HS6ST3: variants seen among roughly 807,000 people sequenced by gnomAD.
HS6ST3 encodes heparan sulfate 6-O-sulfotransferase 3, also known as heparan-sulfate 6-O-sulfotransferase 3.
Under a neutral mutation model 36.7 loss-of-function variants are expected in HS6ST3, and 12 were observed. That is an observed-to-expected ratio of 0.33 (90% CI 0.21 to 0.53). HS6ST3 has a LOEUF of 0.53. Among genes scored for constraint, HS6ST3 ranks in the 20% least tolerant of loss-of-function variants. HS6ST3 has a pLI of 0.95. For missense variants in HS6ST3, 584 were observed against 640.9 expected (o/e 0.91, Z 0.96); for synonymous variants, 240 against 257.5 (o/e 0.93, Z 0.65).
At chr13:96,490,991 T>C (rs2055942428) in intron 1 of HS6ST3, among the ~76,000 whole-genome samples, 1 of 152,194 alleles carries the variant, frequency 6.6e-6, no homozygotes, top group African/African-American at 2.4e-5. Context: ...TGTGTGTGAC[T>C]TGAGACTGCT....
At chr13:96,655,980 T>C (rs2056623312) in intron 1 of HS6ST3, among the ~76,000 whole-genome samples, 1 of 152,126 alleles carries the variant, frequency 6.6e-6, no homozygotes, top group East Asian at 1.9e-4. Context: ...ATTACCACAA[T>C]TATAATTCAG....
intron 1 of HS6ST3, among the ~76,000 whole-genome samples, chr13:96,634,882 T>G (rs1320048335): frequency 7.8e-6 from 1 of 128,996 alleles, no homozygotes; most frequent in Non-Finnish European, 1.7e-5. Flanking sequence ...CCTACAAGTT[T>G]GAGTCATTAG....
intron 1 of HS6ST3, among the ~76,000 whole-genome samples, chr13:96,399,804 A>C (rs1461823516): frequency 6.6e-6 from 1 of 152,230 alleles, no homozygotes; most frequent in Non-Finnish European, 1.5e-5. Context: ...AAGTTTAATA[A>C]GTTTATTTGT....
chr13:96,185,692 A>C (rs1028552442), intron 1 of HS6ST3, among the ~76,000 whole-genome samples: 2 of 152,258 alleles, frequency 1.3e-5, no homozygotes, highest in African/African-American at 4.8e-5. Flanking sequence ...ACAAACATAT[A>C]CATTCCACAT....
chr13:96,386,115 A>G (rs944220653), intron 1 of HS6ST3, among the ~76,000 whole-genome samples: 1 of 152,260 alleles, frequency 6.6e-6, no homozygotes, highest in Non-Finnish European at 1.5e-5. Flanking sequence ...AAAAAGATCC[A>G]TAAGAGAAAA....
At chr13:96,173,669 TAAAAA>T (rs5805954) in intron 1 of HS6ST3, among the ~76,000 whole-genome samples, 1 of 94,866 alleles carries the variant, frequency 1.1e-5, no homozygotes, top group South Asian at 4.3e-4. Flanking sequence ...TCACAGGTTG[TAAAAA>T]AAAAAAAAAA....
chr13:96,720,791 G>A (rs1194460031), intron 1 of HS6ST3, among the ~76,000 whole-genome samples: 1 of 152,166 alleles, frequency 6.6e-6, no homozygotes, highest in Non-Finnish European at 1.5e-5. Context: ...CTCCTAAGAT[G>A]ATGACATAGA....
intron 1 of HS6ST3, among the ~76,000 whole-genome samples, chr13:96,438,964 G>T (rs754064969): frequency 1.3e-5 from 2 of 152,064 alleles, no homozygotes; most frequent in Admixed American, 1.3e-4. Flanking sequence ...CTACTCAAGG[G>T]GCTGAGGCAG....
At chr13:96,742,830 C>A (rs1434932908) in intron 1 of HS6ST3, among the ~76,000 whole-genome samples, 1 of 152,040 alleles carries the variant, frequency 6.6e-6, no homozygotes, top group Non-Finnish European at 1.5e-5. Context: ...TATGAAATTG[C>A]ATCCTATCAG....
chr13:96,271,681 A>G (rs1325592962), intron 1 of HS6ST3, among the ~76,000 whole-genome samples: 1 of 151,930 alleles, frequency 6.6e-6, no homozygotes, highest in African/African-American at 2.4e-5. Flanking sequence ...GACATGTAGG[A>G]ATTTACGCAG....
chr13:96,365,360 CTTG>C (rs1314896880), intron 1 of HS6ST3, among the ~76,000 whole-genome samples: 1 of 152,160 alleles, frequency 6.6e-6, no homozygotes, highest in Non-Finnish European at 1.5e-5. Flanking sequence ...TATGAATATT[CTTG>C]TTGTGTTATT....
At chr13:96,133,215 G>A (rs1381598275) in intron 1 of HS6ST3, among the ~76,000 whole-genome samples, 2 of 151,950 alleles carry the variant, frequency 1.3e-5, no homozygotes, top group African/African-American at 2.4e-5. Context: ...TGCAACCTCC[G>A]CCTTCCGGTT....
rs374615734 is a variant in HS6ST3, at chr13:96,735,272, A to G, written c.708-97218A>G. Among the ~76,000 whole-genome samples, 179 of 152,134 alleles carry G rather than the reference A, an allele frequency of 1.2e-3. 1 individual carries two copies. The highest frequency in any genetic ancestry group is 3.3e-3 in the African/African-American group (139 of 41,514). ...AATTTCCAAGGGCAAAATTATTTTT[A>G]TTTTATAAACCTAAGAAGAGTTTAT... On this transcript the variant is annotated intron_variant, in intron 1 of 1. Coordinates refer to ENST00000376705, the MANE Select transcript of HS6ST3 (RefSeq NM_153456.4).
At chr13:96,509,280 A>G (rs1486771537) in intron 1 of HS6ST3, among the ~76,000 whole-genome samples, 1 of 152,038 alleles carries the variant, frequency 6.6e-6, no homozygotes, top group Non-Finnish European at 1.5e-5. Context: ...TAGTTTGCAA[A>G]TATTTTCTCC....
chr13:96,430,159 A>T (rs965422299), intron 1 of HS6ST3, among the ~76,000 whole-genome samples: 1 of 152,110 alleles, frequency 6.6e-6, no homozygotes, highest in Non-Finnish European at 1.5e-5. Context: ...ACCCTTTTTT[A>T]GTTTGAGGAA....
At chr13:96,308,582 A>G (rs2054925101) in intron 1 of HS6ST3, among the ~76,000 whole-genome samples, 1 of 152,072 alleles carries the variant, frequency 6.6e-6, no homozygotes, top group South Asian at 2.1e-4. Context: ...AATCCATCTT[A>G]TTAACTCTGG....
chr13:96,357,564 C>CTATT (rs76660473), intron 1 of HS6ST3, among the ~76,000 whole-genome samples: 6 of 151,952 alleles, frequency 3.9e-5, no homozygotes, highest in South Asian at 2.1e-4. Context: ...AGTTCACCAT[C>CTATT]TATTTATTTA....
intron 1 of HS6ST3, among the ~76,000 whole-genome samples, chr13:96,168,881 A>G (rs920224718): frequency 6.6e-6 from 1 of 152,096 alleles, no homozygotes; most frequent in Non-Finnish European, 1.5e-5. Flanking sequence ...TGAATAGTGA[A>G]CATTGTACCA....
At chr13:96,124,707 C>T (rs2053942058) in intron 1 of HS6ST3, among the ~76,000 whole-genome samples, 1 of 152,184 alleles carries the variant, frequency 6.6e-6, no homozygotes, top group South Asian at 2.1e-4. Context: ...GAGTCATCCA[C>T]ATTAAGACCT....
Sources: gnomAD v4.1 joint callset for allele counts (sites outside exome capture counted in the v4.1 genomes callset) on GRCh38, gnomAD v4.1.1 for gene constraint, MANE v1.5 for transcripts, NCBI Gene and HGNC (gene_info 2026-07-23, HGNC 2026-07-21) for gene names.